The following EXOC4 variants were observed in gnomAD, a reference collection of about 807,000 sequenced individuals.
EXOC4 encodes exocyst complex component 4, also known as SEC8-like 1.
EXOC4 carries 71 observed loss-of-function variants against 107.2 expected under a neutral mutation model. The ratio of observed to expected loss-of-function variants is 0.66; its 90% CI spans 0.55 to 0.81. EXOC4 has a LOEUF of 0.81. Among genes scored for constraint, EXOC4 ranks in the 30% least tolerant of loss-of-function variants. The pLI, the probability that EXOC4 is intolerant of heterozygous loss-of-function variation, is 0.00. For missense variants in EXOC4, 1,108 were observed against 1,189.6 expected, an observed-to-expected ratio of 0.93 and a Z score of 1.01; for synonymous variants, 456 against 441.2, an observed-to-expected ratio of 1.03 and a Z score of -0.42.
chr7:133,468,673 A>G (rs1339963568), intron 7 of EXOC4, among the ~76,000 whole-genome samples: 1 of 152,218 alleles, frequency 6.6e-6, no homozygotes, highest in East Asian at 1.9e-4. Context: ...CCCTTGCTCC[A>G]TGAAAACCGG....
At chr7:133,337,088 G>T (rs1276660687) in intron 5 of EXOC4, among the ~76,000 whole-genome samples, 1 of 152,084 alleles carries the variant, frequency 6.6e-6, no homozygotes, top group Non-Finnish European at 1.5e-5. Context: ...TTAGTATTTA[G>T]ACAATTTTTC....
rs568936170 is a variant in EXOC4 at position 133,572,329 on chromosome 7, G to A, written c.1418-57716G>A. On this transcript the variant is annotated intron_variant, in intron 9 of 17. Transcript: ENST00000253861. ...TCAATTCCTCCAAATTTGCACCAAG[G>A]CAAACAGTAAATCTGAATCATAGTA... Among the ~76,000 whole-genome samples the A allele has an allele frequency of 2.0e-5, 3 of 152,136 alleles. No individual in the cohort carries two copies. In the East Asian group the frequency reaches 5.8e-4, roughly 29 times the overall value.
intron 10 of EXOC4, among the ~76,000 whole-genome samples, chr7:133,687,888 G>A (rs950103563): frequency 5.3e-5 from 8 of 151,940 alleles, no homozygotes; most frequent in East Asian, 1.9e-4. Context: ...AAAAAAACCC[G>A]TTAGATAAAG....
chr7:133,270,129 A>G (rs2150518206), intron 1 of EXOC4, among the ~76,000 whole-genome samples: 1 of 152,248 alleles, frequency 6.6e-6, no homozygotes, highest in East Asian at 1.9e-4. Flanking sequence ...TAGACAGGGT[A>G]GTCCCTGCAC....
intron 10 of EXOC4, among the ~76,000 whole-genome samples, chr7:133,746,439 T>G (rs2151133655): frequency 6.6e-6 from 1 of 152,280 alleles, no homozygotes; most frequent in Admixed American, 6.5e-5. Flanking sequence ...CTTTAGTGGT[T>G]TACTCTGTGT....
At chr7:133,729,824 A>G (rs1478332748) in intron 10 of EXOC4, among the ~76,000 whole-genome samples, 1 of 151,996 alleles carries the variant, frequency 6.6e-6, no homozygotes, top group African/African-American at 2.4e-5. Flanking sequence ...GCTTCCATGT[A>G]TTCAAAAGAT....
intron 11 of EXOC4, among the ~76,000 whole-genome samples, chr7:133,879,072 C>T (rs1360772154): frequency 2.6e-5 from 4 of 151,962 alleles, no homozygotes; most frequent in Non-Finnish European, 5.9e-5. Flanking sequence ...TTACTTGAAT[C>T]AGTTGTTTTA....
intron 11 of EXOC4, among the ~76,000 whole-genome samples, chr7:133,879,241 C>T (rs117862558): frequency 0.026 from 3,950 of 152,028 alleles, 73 homozygotes; most frequent in Non-Finnish European, 0.039. Context: ...GTTACAGGTA[C>T]ACACAACCAC....
Position 133,959,848 on chromosome 7 carries a change from ATTGT to A in EXOC4, c.2206+21782_2206+21785del, listed in dbSNP as rs538328392. Among the ~76,000 whole-genome samples, 52 of 152,302 alleles carry A rather than the reference ATTGT, an allele frequency of 3.4e-4. No homozygotes were observed. The South Asian group carries it at 9.5e-3, about 28-fold the overall frequency. On this transcript the variant is annotated intron_variant, in intron 14 of 17. Transcript: ENST00000253861. ...TAAGAAAATTGATTTTCAACCTAGA[ATTGT>A]TTATCTAACCACACTACCAGTTCCA...
At chr7:134,076,067 A>C in the EXOC4 span, among the ~76,000 whole-genome samples, 1 of 152,254 alleles carries the variant, frequency 6.6e-6, no homozygotes, top group Non-Finnish European at 1.5e-5. Context: ...GGAGAGCAGA[A>C]AGAGCAAGGG....
chr7:134,039,258 G>A (rs1025060152), intron 17 of EXOC4, among the ~76,000 whole-genome samples: 8 of 152,098 alleles, frequency 5.3e-5, no homozygotes, highest in African/African-American at 1.7e-4. Flanking sequence ...CTAACTTGGA[G>A]TGCATGATAA....
chr7:133,647,185 C>G (rs1010727437), intron 10 of EXOC4, among the ~76,000 whole-genome samples: 1 of 152,118 alleles, frequency 6.6e-6, no homozygotes, highest in Non-Finnish European at 1.5e-5. Flanking sequence ...ATCTTGAATC[C>G]TCTTATTTTG....
At chr7:134,012,653 A>G (rs1466313900) in intron 17 of EXOC4, among the ~76,000 whole-genome samples, 2 of 152,174 alleles carry the variant, frequency 1.3e-5, no homozygotes, top group Non-Finnish European at 2.9e-5. Flanking sequence ...AGTTGAGATG[A>G]GAGTTTTGGA....
chr7:133,800,184 G>A, intron 10 of EXOC4, among the ~76,000 whole-genome samples: 1 of 152,128 alleles, frequency 6.6e-6, no homozygotes, highest in Non-Finnish European at 1.5e-5. Context: ...ATGTGAAAGT[G>A]ACTAAAAAAT....
At chr7:133,972,956 C>A (rs1427599927) in intron 14 of EXOC4, among the ~76,000 whole-genome samples, 1 of 152,226 alleles carries the variant, frequency 6.6e-6, no homozygotes, top group East Asian at 1.9e-4. Context: ...AACTGTTACA[C>A]ACATAGACAG....
downstream of EXOC4, among the ~76,000 whole-genome samples, chr7:134,067,628 T>TACACACAC (rs1194588418): frequency 7.0e-5 from 3 of 43,094 alleles, no homozygotes; most frequent in South Asian, 9.5e-4. Context: ...CCAACTCTTA[T>TACACACAC]ATATATATAT....
chr7:133,335,230 T>G (rs1563023523), intron 5 of EXOC4, among the ~76,000 whole-genome samples: 1 of 152,164 alleles, frequency 6.6e-6, no homozygotes, highest in Non-Finnish European at 1.5e-5. Flanking sequence ...CTCATAAAAT[T>G]TACTGTGTCA....
At chr7:133,407,144 C>G (rs1465133282) in intron 7 of EXOC4, among the ~76,000 whole-genome samples, 2 of 152,128 alleles carry the variant, frequency 1.3e-5, no homozygotes, top group African/African-American at 2.4e-5. Context: ...CCTGATCACC[C>G]TGATCAGATG....
chr7:133,829,927 A>G (rs1158055926), intron 11 of EXOC4, among the ~76,000 whole-genome samples: 1 of 152,036 alleles, frequency 6.6e-6, no homozygotes, highest in Non-Finnish European at 1.5e-5. Context: ...TTGAGGAGGA[A>G]AAAAAAAGCC....
Sources: allele counts gnomAD v4.1 joint callset (sites outside exome capture counted in the v4.1 genomes callset), GRCh38; gene constraint gnomAD v4.1.1; transcripts MANE v1.5; gene names NCBI Gene and HGNC (gene_info 2026-07-23, HGNC 2026-07-21).